Variants in GRM3 observed in about 807,000 individuals in gnomAD.
GRM3 encodes the protein glutamate metabotropic receptor 3.
Under a neutral mutation model 70.5 loss-of-function variants are expected in GRM3, and 26 were observed. That is an observed-to-expected ratio of 0.37 (90% CI 0.27 to 0.51). The LOEUF is 0.51. Among genes scored for constraint, GRM3 ranks in the 20% least tolerant of loss-of-function variants. GRM3 has a pLI of 0.93. For synonymous variants in GRM3, 443 were observed against 434.9 expected (o/e 1.02, Z -0.23); for missense variants, 859 against 1,123.8 (o/e 0.76, Z 3.37).
intron 3 of GRM3, among the ~76,000 whole-genome samples, chr7:86,796,009 G>A (rs79644900): frequency 0.038 from 5,853 of 152,238 alleles, 141 homozygotes; most frequent in East Asian, 0.067. Context: ...CTCCCGTTCC[G>A]TAGGTTGGTT....
At chr7:86,688,114 T>G (rs1359296990) in intron 1 of GRM3, among the ~76,000 whole-genome samples, 1 of 151,582 alleles carries the variant, frequency 6.6e-6, no homozygotes, top group Non-Finnish European at 1.5e-5. Flanking sequence ...AAACATAACA[T>G]TTTACACCTC....
intron 3 of GRM3, among the ~76,000 whole-genome samples, chr7:86,825,711 T>A (rs1798218340): frequency 6.6e-6 from 1 of 152,240 alleles, no homozygotes; most frequent in East Asian, 1.9e-4. Context: ...AAAATTTTCC[T>A]GTTCTGCTTC....
chr7:86,649,763 G>A (rs1425770282), intron 1 of GRM3, among the ~76,000 whole-genome samples: 1 of 152,014 alleles, frequency 6.6e-6, no homozygotes, highest in Non-Finnish European at 1.5e-5. Context: ...CTAAGAAAGA[G>A]TCTATCATCA....
intron 1 of GRM3, among the ~76,000 whole-genome samples, chr7:86,737,236 C>T (rs1380313526): frequency 1.3e-5 from 2 of 152,192 alleles, no homozygotes; most frequent in African/African-American, 2.4e-5. Context: ...TTAATAAGTG[C>T]TTTCTAAGGG....
Position 86,746,344 on chromosome 7 carries a change from TA to T in GRM3, c.-140-18661del, listed in dbSNP as rs1169705886. On this transcript the variant is annotated intron_variant, in intron 1 of 5. Transcript: ENST00000361669. ...CTAATAGAGGGTCAGTCATGTATTA[TA>T]TATATATATATATATATATATATAT... 9.0e-3 allele frequency among the ~76,000 whole-genome samples: 466 copies of T among 51,980 alleles called. 13 individuals are homozygous for T. Among genetic ancestry groups the T allele is most frequent in the Admixed American group, 0.014 (65 of 4,788 alleles). 34.1% of individuals were successfully genotyped at this position (51,980 alleles called of 152,430 possible).
intron 2 of GRM3, chr7:86,784,516 T>G (rs1414295281): frequency 6.6e-6 from 1 of 152,124 alleles, no homozygotes; most frequent in Non-Finnish European, 1.5e-5. Context: ...GGTACATAAA[T>G]CCAGTGGAAG....
chr7:86,789,197 G>A (rs1407614722), intron 3 of GRM3, among the ~76,000 whole-genome samples: 2 of 152,164 alleles, frequency 1.3e-5, no homozygotes, highest in African/African-American at 4.8e-5. Flanking sequence ...TCTCTGAAGA[G>A]AGTAGGAGGG....
intron 1 of GRM3, among the ~76,000 whole-genome samples, chr7:86,697,522 A>AT (rs1014178722): frequency 9.2e-5 from 14 of 152,070 alleles, no homozygotes; most frequent in African/African-American, 2.9e-4. Flanking sequence ...CAGAGAAGAC[A>AT]TTTTTTCTGA....
At chr7:86,754,670 A>G (rs892966241) in intron 1 of GRM3, among the ~76,000 whole-genome samples, 7 of 152,174 alleles carry the variant, frequency 4.6e-5, no homozygotes, top group Admixed American at 2.6e-4. Context: ...AAATTTTATT[A>G]TCTTTAATGT....
intron 1 of GRM3, among the ~76,000 whole-genome samples, chr7:86,706,254 A>C (rs1795054970): frequency 6.6e-6 from 1 of 152,084 alleles, no homozygotes. Context: ...AGTTTAAAGT[A>C]GGGTGAGTAG....
chr7:86,830,703 G>A (rs768077053), intron 3 of GRM3, among the ~76,000 whole-genome samples: 13 of 152,078 alleles, frequency 8.5e-5, no homozygotes, highest in Non-Finnish European at 1.6e-4. Flanking sequence ...TCAATATCAG[G>A]CAAAATAGTC....
chr7:86,709,274 T>C (rs1795137028), intron 1 of GRM3, among the ~76,000 whole-genome samples: 1 of 151,972 alleles, frequency 6.6e-6, no homozygotes, highest in Admixed American at 6.6e-5. Context: ...TGAGTTCCCC[T>C]AATTCACCCA....
chr7:86,699,707 A>G (rs982982057), intron 1 of GRM3, among the ~76,000 whole-genome samples: 2 of 152,032 alleles, frequency 1.3e-5, no homozygotes, highest in African/African-American at 4.8e-5. Flanking sequence ...AACCGATCTC[A>G]GTACAGATTT....
At position 86,701,838 on chromosome 7, in the gene GRM3, C is replaced by T. The variant is rs114397844; in HGVS notation, c.-141+56966C>T. 4.1e-3 allele frequency among the ~76,000 whole-genome samples: 627 copies of T among 152,022 alleles called. 4 individuals carry two copies. The highest frequency in any genetic ancestry group is 0.014 in the African/African-American group (598 of 41,508). On this transcript the variant is annotated intron_variant, in intron 1 of 5. Transcript: ENST00000361669. Reference sequence around the variant, plus strand: ...CAAGTATCATTCATTTTATGTAAAACTGATACAATCTCATATTTCAGAATT... The same window carrying T: ...CAAGTATCATTCATTTTATGTAAAATTGATACAATCTCATATTTCAGAATT...
At chr7:86,670,667 G>A (rs889120396) in intron 1 of GRM3, among the ~76,000 whole-genome samples, 7 of 151,932 alleles carry the variant, frequency 4.6e-5, no homozygotes, top group African/African-American at 1.2e-4. Flanking sequence ...CATCTTAATC[G>A]TCTTGTACAT....
intron 1 of GRM3, among the ~76,000 whole-genome samples, chr7:86,702,876 C>T (rs767442727): frequency 6.6e-6 from 1 of 151,880 alleles, no homozygotes; most frequent in Non-Finnish European, 1.5e-5. Context: ...ATCTTTGAGA[C>T]GTTAGAGTTA....
Position 86,786,139 on chromosome 7 carries a change from T to C in GRM3, c.469-122T>C, listed in dbSNP as rs1036603783. ...TTCATCTCAAGAACTAACAGAAAAA[T>C]GTAGCCATCTAGAGTAGAGGGAAAA... On this transcript the variant is annotated intron_variant, in intron 2 of 5. Coordinates refer to ENST00000361669, the MANE Select transcript of GRM3 (RefSeq NM_000840.3). The surrounding 1 kb of genome is among the most constrained non-coding windows in gnomAD (Gnocchi z 6.0). 4.0e-5 allele frequency: 32 copies of C among 804,760 alleles called. 1 individual carries two copies. The South Asian group carries it at 5.2e-4, about 13-fold the overall frequency. The allele number at this position is 804,760 out of a possible 1,614,324, so 49.9% of individuals were successfully genotyped here. A position where few individuals can be genotyped will look rare whatever the true frequency, so the allele number is the denominator to read the frequency against.
chr7:86,726,821 ATTC>A (rs1365721188), intron 1 of GRM3, among the ~76,000 whole-genome samples: 2 of 152,208 alleles, frequency 1.3e-5, no homozygotes, highest in Admixed American at 6.5e-5. Context: ...TTGTAACACT[ATTC>A]TTAACAGAAC....
chr7:86,707,825 G>A (rs541248653), intron 1 of GRM3, among the ~76,000 whole-genome samples: 2 of 152,084 alleles, frequency 1.3e-5, no homozygotes, highest in African/African-American at 4.8e-5. Flanking sequence ...CACTAAACCT[G>A]GGAGACATAA....
Sources: gnomAD v4.1 joint callset for allele counts (sites outside exome capture counted in the v4.1 genomes callset) on GRCh38, gnomAD v4.1.1 for gene constraint, Gnocchi (gnomAD v3.1) non-coding constraint, MANE v1.5 for transcripts, NCBI Gene and HGNC (gene_info 2026-07-23, HGNC 2026-07-21) for gene names.